The following SRR variants were observed in gnomAD, a reference collection of about 807,000 sequenced individuals.
SRR encodes serine racemase.
In SRR, 19 loss-of-function variants were observed where a neutral mutation model predicts 32.7. The ratio of observed to expected loss-of-function variants is 0.58; its 90% CI spans 0.40 to 0.85. SRR has a LOEUF of 0.85. SRR is among the 40% of genes least tolerant of loss of function. The pLI, the probability that SRR is intolerant of heterozygous loss-of-function variation, is 0.00. For missense variants in SRR, 373 were observed against 404.7 expected, an observed-to-expected ratio of 0.92 and a Z score of 0.67; for synonymous variants, 142 against 140.9, an observed-to-expected ratio of 1.01 and a Z score of -0.06.
intron 3 of SRR, among the ~76,000 whole-genome samples, chr17:2,318,226 C>T (rs2075493979): frequency 1.3e-5 from 2 of 151,878 alleles, no homozygotes; most frequent in African/African-American, 2.4e-5. Context: ...CTCACTGTAA[C>T]CTCCACCTGC....
At chr17:2,308,548 G>A (rs1383770359) in intron 1 of SRR, among the ~76,000 whole-genome samples, 1 of 152,160 alleles carries the variant, frequency 6.6e-6, no homozygotes. Context: ...TCAAAACCCA[G>A]GAGTTACTCT....
rs765194659 is a variant in SRR at position 2,315,663 on chromosome 17, A to G, written c.103A>G (p.Asn35Asp). 5 of 1,614,162 alleles carry G rather than the reference A, an allele frequency of 3.1e-6. No homozygotes were observed. The East Asian group carries it at 1.1e-4, about 36-fold the overall frequency. The change falls in exon 2 of 8, where the codon AAT becomes GAT. Residue 35 changes from asparagine (N) to aspartate (D), a missense_variant. Physicochemically the swap from Asn to Asp is conservative, Grantham distance 23. Coordinates refer to ENST00000344595, the MANE Select transcript of SRR (RefSeq NM_021947.3). Reference sequence around the variant, plus strand: ...ACCAGTGCTAACAAGCTCCATTTTGAATCAACTAACAGGGCGCAATCTTTT... The same window carrying G: ...ACCAGTGCTAACAAGCTCCATTTTGGATCAACTAACAGGGCGCAATCTTTT... ...LTPVLTSSIL[N>D]QLTGRNLFFK... is the part of the protein sequence containing the mutation.
At chr17:2,318,982 C>G (rs1013518962) in intron 4 of SRR, 53 bp downstream of exon 4, 6 of 1,235,832 alleles carry the variant, frequency 4.9e-6, no homozygotes, top group Non-Finnish European at 7.1e-6. Context: ...TGACCAATGG[C>G]TCTTTCTACC....
chr17:2,309,280 A>T (rs2075416976), intron 1 of SRR, among the ~76,000 whole-genome samples: 1 of 151,758 alleles, frequency 6.6e-6, no homozygotes, highest in Non-Finnish European at 1.5e-5. Context: ...TATTCTTCAC[A>T]CTTCTCTCCC....
intron 1 of SRR, among the ~76,000 whole-genome samples, chr17:2,310,206 A>C (rs1240482295): frequency 1.3e-5 from 2 of 152,050 alleles, no homozygotes. Context: ...TCCAAAATAT[A>C]TCTTATTTTT....
chr17:2,325,004 T>C lies in SRR; in HGVS notation c.*1131T>C. ...ACACTTAACCTTGTCAATAGGTTCTTGAAAACTTGTACTTCAAGAGAAATG... is the reference window on the plus strand; with the variant it reads ...ACACTTAACCTTGTCAATAGGTTCTCGAAAACTTGTACTTCAAGAGAAATG... On this transcript the variant is annotated 3_prime_UTR_variant, in exon 8 of 8. Coordinates refer to ENST00000344595, the MANE Select transcript of SRR (RefSeq NM_021947.3). 1.5e-6 allele frequency: 1 copy of C among 672,916 alleles called. No individual in the cohort carries two copies. Among genetic ancestry groups the C allele is most frequent in the Non-Finnish European group, 2.4e-6 (1 of 414,568 alleles). 41.7% of individuals were successfully genotyped at this position (672,916 alleles called of 1,614,324 possible).
In SRR at chr17:2,324,510, G is replaced by T. The variant is rs755085146; in HGVS notation, c.*637G>T. ...AAATCCCGTGTTTCCTTACCTAAAGGTTCCTTGATATGTCCTCTCCGGCCC... is the reference window on the plus strand; with the variant it reads ...AAATCCCGTGTTTCCTTACCTAAAGTTTCCTTGATATGTCCTCTCCGGCCC... On this transcript the variant is annotated 3_prime_UTR_variant, in exon 8 of 8. Coordinates refer to ENST00000344595, the MANE Select transcript of SRR (RefSeq NM_021947.3). The T allele has an allele frequency of 4.3e-6, 7 of 1,614,164 alleles. No homozygotes were observed. The highest frequency in any genetic ancestry group is 5.9e-6 in the Non-Finnish European group (7 of 1,180,024).
In SRR at chr17:2,324,884, T is replaced by C; in HGVS notation, c.*1011T>C. The C allele has an allele frequency of 6.4e-7, 1 of 1,561,926 alleles. No homozygotes were observed. Among genetic ancestry groups the C allele is most frequent in the Middle Eastern group, 1.7e-4 (1 of 5,812 alleles). On this transcript the variant is annotated 3_prime_UTR_variant, in exon 8 of 8. Coordinates refer to ENST00000344595, the MANE Select transcript of SRR (RefSeq NM_021947.3). ...GGAATTTACAGGCCAAAGTCTTCAT[T>C]TATTGCCCAGTCCATTTAAAGACCC... is the stretch of plus-strand genomic sequence containing the variant.
chr17:2,323,182 C>G lies in SRR; in HGVS notation c.641C>G (p.Ala214Gly). The change falls in exon 7 of 8, where the codon GCA (alanine) becomes GGA (glycine). Residue 214 changes from alanine to glycine, a missense_variant. Coordinates refer to ENST00000344595, the MANE Select transcript of SRR (RefSeq NM_021947.3). ...VKVYAAEPSN[A>G]DDCYQSKLKG... ...GTATATGCTGCTGAACCCTCAAATGCAGATGACTGCTACCAGTCCAAGCTG... is the reference window on the plus strand; with the variant it reads ...GTATATGCTGCTGAACCCTCAAATGGAGATGACTGCTACCAGTCCAAGCTG... The G allele has an allele frequency of 6.2e-7, 1 of 1,614,206 alleles. No homozygotes were observed. Among genetic ancestry groups the G allele is most frequent in the South Asian group, 1.1e-5 (1 of 91,080 alleles).
At chr17:2,315,275 G>T in intron 1 of SRR, 2 of 227,086 alleles carry the variant, frequency 8.8e-6, no homozygotes, top group Non-Finnish European at 1.7e-5. Flanking sequence ...ATGGAGACCA[G>T]TGGCAGTGCC....
At chr17:2,307,787 T>C (rs2075402901) in intron 1 of SRR, 1 of 766,324 alleles carries the variant, frequency 1.3e-6, no homozygotes, top group Non-Finnish European at 2.3e-6. Flanking sequence ...TTACAACAGA[T>C]TTGTGAACTA....
intron 3 of SRR, among the ~76,000 whole-genome samples, chr17:2,318,617 C>CTT (rs1288852264): frequency 1.9e-4 from 20 of 103,572 alleles, no homozygotes; most frequent in Non-Finnish European, 3.2e-4. Context: ...CCATGCCTGG[C>CTT]TATTTTTTTT....
At chr17:2,307,770 C>T in intron 1 of SRR, 1 of 826,112 alleles carries the variant, frequency 1.2e-6, no homozygotes, top group East Asian at 2.5e-5. Flanking sequence ...GACAGGGAAG[C>T]TACAGGTTAC....
At chr17:2,312,337 T>C (rs1033536542) in intron 1 of SRR, among the ~76,000 whole-genome samples, 4 of 152,160 alleles carry the variant, frequency 2.6e-5, no homozygotes, top group Non-Finnish European at 5.9e-5. Flanking sequence ...GGCTCACACC[T>C]GTAATCTCAG....
In SRR at chr17:2,307,495, G is replaced by T. The variant is rs186876589; in HGVS notation, c.-5+3478G>T. 178 of 1,434,034 alleles carry T rather than the reference G, an allele frequency of 1.2e-4. No homozygotes were observed. The African/African-American group carries it at 2.2e-3, about 18-fold the overall frequency. 88.8% of individuals were successfully genotyped at this position (1,434,034 alleles called of 1,614,324 possible). A position where few individuals can be genotyped will look rare whatever the true frequency, so the allele number is the denominator to read the frequency against. The stretch of plus-strand genomic sequence containing the variant: ...TCGTGCAGTGGGGATGGCTATAATG[G>T]ATTTGGTAATGATGGAAGCAATTTT... On this transcript the variant is annotated intron_variant, in intron 1 of 7. Coordinates refer to ENST00000344595, the MANE Select transcript of SRR (RefSeq NM_021947.3).
At chr17:2,319,340 T>A (rs148713804) in intron 4 of SRR, among the ~76,000 whole-genome samples, 38 of 152,314 alleles carry the variant, frequency 2.5e-4, no homozygotes, top group African/African-American at 8.2e-4. Flanking sequence ...GTCATCTTTT[T>A]TTGAAAATTT....
Position 2,307,769 on chromosome 17 carries a change from G to C in SRR, c.-5+3752G>C, listed in dbSNP as rs141716829. 3,144 of 835,330 alleles carry C rather than the reference G, an allele frequency of 3.8e-3. 12 individuals carry two copies. Among genetic ancestry groups the C allele is most frequent in the Non-Finnish European group, 4.8e-3 (2,369 of 496,064 alleles). The allele number at this position is 835,330 out of a possible 1,614,324, so 51.7% of individuals were successfully genotyped here. A position where few individuals can be genotyped will look rare whatever the true frequency, so the allele number is the denominator to read the frequency against. On this transcript the variant is annotated intron_variant, in intron 1 of 7. Coordinates refer to ENST00000344595, the MANE Select transcript of SRR (RefSeq NM_021947.3). ...GGAGAGCCAGCGAAGTGACAGGGAA[G>C]CTACAGGTTACAACAGATTTGTGAA...
intron 1 of SRR, among the ~76,000 whole-genome samples, chr17:2,311,947 T>C (rs967872769): frequency 3.3e-5 from 5 of 151,720 alleles, no homozygotes; most frequent in Non-Finnish European, 7.4e-5. Flanking sequence ...TGGTGCCTCA[T>C]GCCTGTAATC....
At chr17:2,318,085 A>G in intron 3 of SRR, 89 bp downstream of exon 3, 1 of 1,375,806 alleles carries the variant, frequency 7.3e-7, no homozygotes, top group Non-Finnish European at 9.7e-7. Context: ...TAGCTGTGGG[A>G]AGTAACTTTC....
Sources: gnomAD v4.1 joint callset for allele counts (sites outside exome capture counted in the v4.1 genomes callset) on GRCh38, gnomAD v4.1.1 for gene constraint, MANE v1.5 for transcripts, NCBI Gene and HGNC (gene_info 2026-07-23, HGNC 2026-07-21) for gene names.